The following SDK1 variants were observed in gnomAD, a reference collection of about 807,000 sequenced individuals.
SDK1 encodes the protein sidekick cell adhesion molecule 1.
In SDK1, 157 loss-of-function variants were observed where a neutral mutation model predicts 245.5. That is an observed-to-expected ratio of 0.64 (90% CI 0.56 to 0.73). SDK1 has a LOEUF of 0.73. SDK1 is among the 30% of genes least tolerant of loss of function. The pLI, the probability that SDK1 is intolerant of heterozygous loss-of-function variation, is 0.00. For synonymous variants in SDK1, 1,647 were observed against 1,278.5 expected (o/e 1.29, Z -6.15); for missense variants, 3,583 against 3,002.3 (o/e 1.19, Z -4.52).
chr7:3,435,471 C>A (rs1425983611), intron 1 of SDK1, among the ~76,000 whole-genome samples: 1 of 151,160 alleles, frequency 6.6e-6, no homozygotes, highest in African/African-American at 2.4e-5. Flanking sequence ...GCTGGGACTA[C>A]AGGCACAGAC....
chr7:4,251,503 G>A (rs1481563264), intron 44 of SDK1, among the ~76,000 whole-genome samples: 1 of 152,158 alleles, frequency 6.6e-6, no homozygotes, highest in Non-Finnish European at 1.5e-5. Flanking sequence ...TGCACTTATA[G>A]CAAACTGCAA....
intron 1 of SDK1, among the ~76,000 whole-genome samples, chr7:3,306,058 A>T (rs533630231): frequency 6.6e-6 from 1 of 152,168 alleles, no homozygotes; most frequent in African/African-American, 2.4e-5. Flanking sequence ...AGCGTTTCCC[A>T]TGTAGCCTCT....
In SDK1 at chr7:3,401,819, A is replaced by G. The variant is rs1243234688; in HGVS notation, c.298+99935A>G. 2.0e-5 allele frequency among the ~76,000 whole-genome samples: 3 copies of G among 152,166 alleles called. 1 individual carries two copies. Among genetic ancestry groups the G allele is most frequent in the African/African-American group, 4.8e-5 (2 of 41,426 alleles). On this transcript the variant is annotated intron_variant, in intron 1 of 44. Transcript: ENST00000404826. ...TGTTAACATCTGAATCTTGGCCAAA[A>G]TGAGCACAAATGGCATTTGTATAAA... is the stretch of plus-strand genomic sequence containing the variant.
intron 15 of SDK1, 125 bp from the exon 16 acceptor site, chr7:4,011,970 T>C: frequency 1.2e-6 from 1 of 804,850 alleles, no homozygotes. Flanking sequence ...TGTGTTTTGC[T>C]TTTCCTGAAA....
chr7:3,677,835 T>C (rs564692483), intron 4 of SDK1, among the ~76,000 whole-genome samples: 6 of 152,346 alleles, frequency 3.9e-5, no homozygotes, highest in Non-Finnish European at 5.9e-5. Flanking sequence ...CCCAGAAATA[T>C]ATTCACACAT....
chr7:4,109,987 C>T (rs114335123), intron 22 of SDK1, among the ~76,000 whole-genome samples: 1,623 of 152,260 alleles, frequency 0.011, 22 homozygotes, highest in African/African-American at 0.037. Context: ...GGGCACCCTG[C>T]AGGCATCGCC....
chr7:3,973,627 C>T (rs756848782), intron 12 of SDK1, among the ~76,000 whole-genome samples: 8 of 151,750 alleles, frequency 5.3e-5, no homozygotes, highest in Non-Finnish European at 1.0e-4. Flanking sequence ...TTTAAACAGT[C>T]GTTGCCTCCT....
intron 4 of SDK1, among the ~76,000 whole-genome samples, chr7:3,788,436 C>A (rs1583414301): frequency 1.3e-5 from 2 of 152,256 alleles, no homozygotes; most frequent in South Asian, 2.1e-4. Context: ...TAGAACAAGT[C>A]TGTCTGTGAT....
At chr7:4,151,832 T>C (rs1780401300) in intron 30 of SDK1, among the ~76,000 whole-genome samples, 1 of 152,228 alleles carries the variant, frequency 6.6e-6, no homozygotes, top group Non-Finnish European at 1.5e-5. Context: ...GCAGGTGCCT[T>C]GACGTCTCTA....
intron 1 of SDK1, among the ~76,000 whole-genome samples, chr7:3,496,440 A>G (rs967351134): frequency 1.3e-5 from 2 of 151,642 alleles, no homozygotes; most frequent in African/African-American, 2.4e-5. Context: ...AACTCGAGGT[A>G]TCACGCTGTG....
At chr7:4,225,028 C>G (rs1785344116) in intron 40 of SDK1, among the ~76,000 whole-genome samples, 1 of 124,816 alleles carries the variant, frequency 8.0e-6, no homozygotes, top group Non-Finnish European at 1.7e-5. Context: ...GACACCCGCA[C>G]TAGAAAACTA....
chr7:3,652,614 A>G lies in SDK1; in HGVS notation c.713+10509A>G, dbSNP rs546370976. 7.2e-5 allele frequency among the ~76,000 whole-genome samples: 11 copies of G among 152,252 alleles called. No individual in the cohort carries two copies. The South Asian group carries it at 2.1e-3, about 29-fold the overall frequency. On this transcript the variant is annotated intron_variant, in intron 4 of 44. Coordinates refer to ENST00000404826, the MANE Select transcript of SDK1 (RefSeq NM_152744.4). ...AGAGTGAGGGCTGGTGTGAGAAGAG[A>G]GAGTATTAGGTTATCATTCAGACAG...
chr7:4,163,272 G>A (rs1297205056), intron 32 of SDK1, among the ~76,000 whole-genome samples: 1 of 152,162 alleles, frequency 6.6e-6, no homozygotes, highest in African/African-American at 2.4e-5. Context: ...GTGGGCACGA[G>A]ATTCTTCCTT....
chr7:3,414,877 G>C (rs1779318245), intron 1 of SDK1, among the ~76,000 whole-genome samples: 1 of 152,120 alleles, frequency 6.6e-6, no homozygotes, highest in Non-Finnish European at 1.5e-5. Context: ...ACATTTTAAA[G>C]ATGCATCCAT....
intron 4 of SDK1, among the ~76,000 whole-genome samples, chr7:3,690,968 T>C (rs1221907849): frequency 1.3e-5 from 2 of 152,228 alleles, no homozygotes; most frequent in African/African-American, 4.8e-5. Flanking sequence ...CTCTGTGACC[T>C]TCTAGAATTA....
At chr7:3,630,585 G>A (rs576142321) in intron 2 of SDK1, among the ~76,000 whole-genome samples, 38 of 152,226 alleles carry the variant, frequency 2.5e-4, no homozygotes, top group Non-Finnish European at 4.7e-4. Flanking sequence ...GCAGTGAGCC[G>A]AGATTGTGCC....
At chr7:3,745,957 A>T (rs1044097493) in intron 4 of SDK1, among the ~76,000 whole-genome samples, 2 of 152,198 alleles carry the variant, frequency 1.3e-5, no homozygotes, top group Non-Finnish European at 2.9e-5. Context: ...ACCACAGACT[A>T]GCTGTCAGTC....
chr7:3,756,912 C>T (rs1187823090), intron 4 of SDK1, among the ~76,000 whole-genome samples: 2 of 152,150 alleles, frequency 1.3e-5, no homozygotes, highest in African/African-American at 2.4e-5. Flanking sequence ...CCTGGCGATG[C>T]GAACCTTGAC....
At chr7:3,832,025 T>C (rs945540719) in intron 5 of SDK1, among the ~76,000 whole-genome samples, 2 of 152,164 alleles carry the variant, frequency 1.3e-5, no homozygotes, top group Non-Finnish European at 2.9e-5. Context: ...TACTCCAGCC[T>C]GGGCAACACA....
Sources: gnomAD v4.1 joint callset for allele counts (sites outside exome capture counted in the v4.1 genomes callset) on GRCh38, gnomAD v4.1.1 for gene constraint, MANE v1.5 for transcripts, NCBI Gene and HGNC (gene_info 2026-07-23, HGNC 2026-07-21) for gene names.